CYBB: variants seen among roughly 807,000 people sequenced by gnomAD.
The protein encoded by CYBB is NADPH oxidase 2.
Under a neutral mutation model 46.5 loss-of-function variants are expected in CYBB, and 5 were observed. The ratio of observed to expected loss-of-function variants is 0.11; its 90% CI spans 0.06 to 0.23. The LOEUF is 0.23. CYBB is among the 10% of genes least tolerant of loss of function. The pLI is 1.00. For missense variants in CYBB, 307 were observed against 428.3 expected (o/e 0.72, Z 2.50); for synonymous variants, 183 against 156.7 (o/e 1.17, Z -1.26).
intron 6 of CYBB, among the ~76,000 whole-genome samples, chrX:37,797,390 T>C (rs1056516963): frequency 1.8e-5 from 2 of 111,850 alleles, no homozygotes; most frequent in Non-Finnish European, 3.8e-5. Flanking sequence ...TTGTATGGTT[T>C]CGCAGATACT....
chrX:37,783,354 G>T, intron 2 of CYBB, 136 bp from the exon 3 acceptor site: 1 of 499,671 alleles, frequency 2.0e-6, no homozygotes, highest in Non-Finnish European at 3.6e-6. Context: ...AAAACCGTTG[G>T]CTCTGAAGGA....
chrX:37,800,123 A>G (rs1929405663), intron 7 of CYBB, among the ~76,000 whole-genome samples: 1 of 111,264 alleles, frequency 9.0e-6, no homozygotes, highest in African/African-American at 3.3e-5. Flanking sequence ...TGTATTGCCA[A>G]TCCTCTTGTG....
At chrX:37,786,466 C>T (rs1357996770) in intron 3 of CYBB, among the ~76,000 whole-genome samples, 1 of 111,677 alleles carries the variant, frequency 9.0e-6, no homozygotes, top group African/African-American at 3.3e-5. Context: ...GTTATAAATA[C>T]AAGGACTTAA....
chrX:37,780,944 A>G (rs140037852), intron 1 of CYBB, among the ~76,000 whole-genome samples: 5,533 of 111,809 alleles, frequency 0.049, 342 homozygotes, highest in African/African-American at 0.17. Context: ...AGCATTACAC[A>G]GATGTTAAAA....
chrX:37,803,290 T>C (rs781853864), intron 8 of CYBB, among the ~76,000 whole-genome samples: 54 of 110,216 alleles, frequency 4.9e-4, no homozygotes, highest in African/African-American at 1.6e-3. Flanking sequence ...ATGGCAAAAC[T>C]GCAATAATTT....
At position 37,782,153 on chromosome X, in the gene CYBB, T is replaced by C. The variant is rs1556464568; in HGVS notation, c.111T>C (p.Pro37=). The C allele has an allele frequency of 8.3e-7, 1 of 1,204,645 alleles. No homozygotes were observed. The highest frequency in any genetic ancestry group is 1.1e-6 in the Non-Finnish European group (1 of 888,758). ...VWYYRVYDIP[P]KFFYTRKLLG... is the part of the protein sequence containing the mutation. ...ATTACCGGGTTTATGATATTCCACC[T>C]AAGTTCTTTTACACAAGAAAACTTC... The change falls in exon 2 of 13, where the codon CCT becomes CCC. Residue 37 remains proline (P), a synonymous_variant. Transcript: ENST00000378588.
At position 37,793,532 on chromosome X, in the gene CYBB, C is replaced by T. The variant is rs1569479274; in HGVS notation, c.338-133C>T. On this transcript the variant is annotated intron_variant, in intron 4 of 12. Coordinates refer to ENST00000378588, the MANE Select transcript of CYBB (RefSeq NM_000397.4). ...TTGGTTCTGGAGACCCAGTTCTTGT[C>T]TATAAGTGTCCTGGGCCTCCCTTTG... The T allele has an allele frequency of 7.6e-6, 5 of 654,720 alleles. No homozygotes were observed. In the East Asian group the frequency reaches 1.0e-4, roughly 13 times the overall value. The allele number at this position is 654,720 out of a possible 1,213,427, so 54.0% of individuals were successfully genotyped here. A position where few individuals can be genotyped will look rare whatever the true frequency, so the allele number is the denominator to read the frequency against.
intron 3 of CYBB, among the ~76,000 whole-genome samples, chrX:37,789,264 A>G (rs1929140429): frequency 9.0e-6 from 1 of 111,217 alleles, no homozygotes; most frequent in Non-Finnish European, 1.9e-5. Context: ...TATTAAAGTC[A>G]ACTTGGGACT....
intron 8 of CYBB, among the ~76,000 whole-genome samples, chrX:37,802,038 C>T (rs1412406463): frequency 8.9e-6 from 1 of 111,739 alleles, no homozygotes; most frequent in Non-Finnish European, 1.9e-5. Flanking sequence ...TTTCAGGAAA[C>T]ACTAGGAAAG....
chrX:37,792,313 A>T (rs957417636), intron 4 of CYBB, among the ~76,000 whole-genome samples: 2 of 111,441 alleles, frequency 1.8e-5, no homozygotes, highest in African/African-American at 6.5e-5. Flanking sequence ...CAGAAAAGTC[A>T]ATCCTAGTGT....
Position 37,782,165 on chromosome X carries a change from C to T in CYBB, c.123C>T (p.Tyr41=), listed in dbSNP as rs1928965653. The change falls in exon 2 of 13, where the codon TAC becomes TAT. Residue 41 remains tyrosine, a synonymous_variant. Coordinates refer to ENST00000378588, the MANE Select transcript of CYBB (RefSeq NM_000397.4). ...ATGATATTCCACCTAAGTTCTTTTA[C>T]ACAAGAAAACTTCTTGGGGTAAGTA... ...RVYDIPPKFF[Y]TRKLLGSALA... is the part of the protein sequence containing the mutation. The T allele has an allele frequency of 8.4e-7, 1 of 1,187,190 alleles. No individual in the cohort carries two copies. Among genetic ancestry groups the T allele is most frequent in the East Asian group, 3.0e-5 (1 of 33,757 alleles).
At chrX:37,786,698 G>A (rs1556465621) in intron 3 of CYBB, among the ~76,000 whole-genome samples, 1 of 111,122 alleles carries the variant, frequency 9.0e-6, no homozygotes, top group African/African-American at 3.3e-5. Context: ...AAATCTCTGA[G>A]GAAGCCTTAA....
intron 1 of CYBB, 75 bp downstream of exon 1, chrX:37,780,197 CT>C: frequency 1.1e-6 from 1 of 873,941 alleles, no homozygotes; most frequent in Non-Finnish European, 1.7e-6. Flanking sequence ...TAGACCAAAG[CT>C]TTTTTGTTCA....
At chrX:37,793,259 C>A (rs1929234830) in intron 4 of CYBB, among the ~76,000 whole-genome samples, 1 of 108,797 alleles carries the variant, frequency 9.2e-6, no homozygotes, top group Non-Finnish European at 1.9e-5. Context: ...AGCAATTAGG[C>A]ATTCACTACA....
chrX:37,784,520 A>G (rs1929018952), intron 3 of CYBB, among the ~76,000 whole-genome samples: 1 of 111,260 alleles, frequency 9.0e-6, no homozygotes, highest in East Asian at 2.8e-4. Flanking sequence ...TAGTGAGGAA[A>G]TCGTATTCTT....
Position 37,783,543 on chromosome X carries a change from G to A in CYBB, c.195G>A (p.Met65Ile). Reference protein sequence around the residue: ...APAACLNFNCMLILLPVCRNL... With the variant: ...APAACLNFNCILILLPVCRNL... Reference sequence around the variant, plus strand: ...CAGCCTGCCTGAATTTCAACTGCATGCTGATTCTCTTGCCAGTCTGTCGAA... The same window carrying A: ...CAGCCTGCCTGAATTTCAACTGCATACTGATTCTCTTGCCAGTCTGTCGAA... Residue 65 changes from methionine (M) to isoleucine (I), a missense_variant, in exon 3 of 13, where the codon ATG (methionine) becomes ATA (isoleucine). Physicochemically the swap from Met to Ile is conservative, Grantham distance 10 (BLOSUM62 1). This residue lies in a region of CYBB where 103 missense variants were observed against 150.2 expected (regional missense o/e 0.69). Coordinates refer to ENST00000378588, the MANE Select transcript of CYBB (RefSeq NM_000397.4). 8.3e-7 allele frequency: 1 copy of A among 1,210,647 alleles called. No individual in the cohort carries two copies. Among genetic ancestry groups the A allele is most frequent in the East Asian group, 3.0e-5 (1 of 33,860 alleles).
In CYBB at chrX:37,796,088, C is replaced by T. The variant is rs371655268; in HGVS notation, c.621C>T (p.Tyr207=). The T allele has an allele frequency of 2.6e-5, 31 of 1,208,668 alleles. No homozygotes were observed. The highest frequency in any genetic ancestry group is 3.1e-5 in the Non-Finnish European group (28 of 893,945). Residue 207 remains tyrosine, a synonymous_variant, in exon 6 of 13, where the codon TAC becomes TAT. Coordinates refer to ENST00000378588, the MANE Select transcript of CYBB (RefSeq NM_000397.4). ...IRRSYFEVFW[Y]THHLFVIFFI... ...GGTCTTACTTTGAAGTCTTTTGGTACACACATCATCTCTTTGTGATCTTCT... is the reference window on the plus strand; with the variant it reads ...GGTCTTACTTTGAAGTCTTTTGGTATACACATCATCTCTTTGTGATCTTCT...
chrX:37,801,644 CTG>C (rs1199524954), intron 8 of CYBB, among the ~76,000 whole-genome samples: 1 of 70,007 alleles, frequency 1.4e-5, no homozygotes, highest in East Asian at 4.2e-4. Flanking sequence ...GTCTGTGTGT[CTG>C]TGTGTTTGTG....
intron 5 of CYBB, among the ~76,000 whole-genome samples, chrX:37,794,803 C>A (rs1556467957): frequency 9.0e-6 from 1 of 111,665 alleles, no homozygotes; most frequent in Admixed American, 9.5e-5. Context: ...ATGACTAAAT[C>A]ACATTAATAT....
Sources: allele counts gnomAD v4.1 joint callset (sites outside exome capture counted in the v4.1 genomes callset), GRCh38; gene constraint gnomAD v4.1.1; regional missense constraint gnomAD v4.1.1; transcripts MANE v1.5; gene names NCBI Gene and HGNC (gene_info 2026-07-23, HGNC 2026-07-21).